ZNF213: variants seen among roughly 807,000 people sequenced by gnomAD.
ZNF213 encodes the protein zinc finger protein 213, also known as putative transcription factor CR53.
In ZNF213, 32 loss-of-function variants were observed where a neutral mutation model predicts 46.0. The ratio of observed to expected loss-of-function variants is 0.70; its 90% CI spans 0.52 to 0.93. The LOEUF is 0.93. Among genes scored for constraint, ZNF213 ranks in the 40% least tolerant of loss-of-function variants. The probability of loss-of-function intolerance (pLI) is 0.00; values close to 1 mark genes in which losing one functional copy is unlikely to be tolerated. For synonymous variants in ZNF213, 297 were observed against 271.0 expected (o/e 1.10, Z -0.94); for missense variants, 639 against 652.8 (o/e 0.98, Z 0.23).
intron 5 of ZNF213, 76 bp downstream of exon 5, chr16:3,139,174 A>T: frequency 6.4e-7 from 1 of 1,569,762 alleles, no homozygotes. Context: ...TTCCCACCCC[A>T]TCCTTAGCTG....
chr16:3,141,683 C>G lies in ZNF213; in HGVS notation c.*336C>G. The G allele has an allele frequency of 3.0e-6, 1 of 331,476 alleles. No homozygotes were observed. The highest frequency in any genetic ancestry group is 5.5e-6 in the Non-Finnish European group (1 of 181,424). 20.5% of individuals were successfully genotyped at this position (331,476 alleles called of 1,614,324 possible). A position where few individuals can be genotyped will look rare whatever the true frequency, so the allele number is the denominator to read the frequency against. On this transcript the variant is annotated 3_prime_UTR_variant, in exon 6 of 6. Coordinates refer to ENST00000396878, the MANE Select transcript of ZNF213 (RefSeq NM_004220.3). The stretch of plus-strand genomic sequence containing the variant: ...TCAGGTCTAGGTCCCTTCCCAGAAG[C>G]CCCCGAGCCTCATTTGACTGTGTGG...
At chr16:3,137,060 C>G in intron 1 of ZNF213, 106 bp from the exon 2 acceptor site, 1 of 558,076 alleles carries the variant, frequency 1.8e-6, no homozygotes, top group Non-Finnish European at 3.1e-6. Context: ...CTAGAAAAGG[C>G]TTCAGGGCCA....
At position 3,137,425 on chromosome 16, in the gene ZNF213, C is replaced by T. The variant is rs201883457; in HGVS notation, c.145C>T (p.Arg49Trp). The T allele has an allele frequency of 2.7e-5, 43 of 1,613,988 alleles. No individual in the cohort carries two copies. Among genetic ancestry groups the T allele is most frequent in the South Asian group, 1.5e-4 (14 of 91,086 alleles). ...RDSEACRQRF[R>W]QFCYGDVHGP... ...TTCCGAAGCCTGCCGCCAGCGCTTC[C>T]GGCAATTCTGCTACGGGGATGTGCA... The change falls in exon 2 of 6, where the codon CGG (arginine) becomes TGG (tryptophan). Residue 49 changes from arginine to tryptophan, a missense_variant. Coordinates refer to ENST00000396878, the MANE Select transcript of ZNF213 (RefSeq NM_004220.3).
rs1264484024 is a variant in ZNF213 at position 3,141,190 on chromosome 16, A to G, written c.1223A>G (p.Lys408Arg). The G allele has an allele frequency of 1.2e-6, 2 of 1,612,470 alleles. No individual in the cohort carries two copies. Among genetic ancestry groups the G allele is most frequent in the East Asian group, 2.2e-5 (1 of 44,890 alleles). ...EKPFGCSDCG[K>R]SFSLRSYLLD... ...CCTTTCGGCTGCAGCGACTGCGGCA[A>G]GAGCTTCTCGCTGCGCTCCTACCTG... Residue 408 changes from lysine (K) to arginine (R), a missense_variant, in exon 6 of 6, where the codon AAG (lysine) becomes AGG (arginine). Coordinates refer to ENST00000396878, the MANE Select transcript of ZNF213 (RefSeq NM_004220.3).
chr16:3,137,443 G>A lies in ZNF213; in HGVS notation c.163G>A (p.Asp55Asn), dbSNP rs775984835. 3 of 1,613,844 alleles carry A rather than the reference G, an allele frequency of 1.9e-6. No individual in the cohort carries two copies. The African/African-American group carries it at 4.0e-5, about 22-fold the overall frequency. ...RQRFRQFCYG[D>N]VHGPHEAFSQ... Reference sequence around the variant, plus strand: ...GCGCTTCCGGCAATTCTGCTACGGGGATGTGCATGGGCCTCATGAGGCCTT... The same window carrying A: ...GCGCTTCCGGCAATTCTGCTACGGGAATGTGCATGGGCCTCATGAGGCCTT... The change falls in exon 2 of 6, where the codon GAT becomes AAT. Residue 55 changes from aspartate (D) to asparagine (N), a missense_variant. Transcript: ENST00000396878.
At chr16:3,138,563 TG>T in intron 3 of ZNF213, 22 bp downstream of exon 3, 3 of 1,613,928 alleles carry the variant, frequency 1.9e-6, no homozygotes, top group Non-Finnish European at 2.5e-6. Flanking sequence ...TCCGTTCTTG[TG>T]GACAGTCGAG....
Position 3,138,607 on chromosome 16 carries a change from G to C in ZNF213, c.523+66G>C, listed in dbSNP as rs193001320. ...GCAGGGACCTAGCTTTGTCACCGGCGTTGCCCTAAGGGTCACAGGCAGGAC... is the reference window on the plus strand; with the variant it reads ...GCAGGGACCTAGCTTTGTCACCGGCCTTGCCCTAAGGGTCACAGGCAGGAC... On this transcript the variant is annotated intron_variant, in intron 3 of 5. Transcript: ENST00000396878. The C allele has an allele frequency of 5.8e-3, 9,406 of 1,612,298 alleles. 37 individuals carry two copies. Among genetic ancestry groups the C allele is most frequent in the Non-Finnish European group, 7.0e-3 (8,293 of 1,179,270 alleles).
rs1957520699 is a variant in ZNF213, at chr16:3,135,169, A to G, written c.-334A>G. The stretch of plus-strand genomic sequence containing the variant: ...TGGCCGCCTGGCTCCAACATCAAGC[A>G]CCGGGCTCCGAGTGGCCGGGATCAG... On this transcript the variant is annotated 5_prime_UTR_variant, in exon 1 of 6. Coordinates refer to ENST00000396878, the MANE Select transcript of ZNF213 (RefSeq NM_004220.3). 1.3e-5 allele frequency: 2 copies of G among 153,120 alleles called. No individual in the cohort carries two copies. Among genetic ancestry groups the G allele is most frequent in the South Asian group, 3.5e-4 (2 of 5,668 alleles). 9.5% of individuals were successfully genotyped at this position (153,120 alleles called of 1,614,324 possible). A position where few individuals can be genotyped will look rare whatever the true frequency, so the allele number is the denominator to read the frequency against.
At chr16:3,139,865 T>C in intron 5 of ZNF213, 1 of 152,118 alleles carries the variant, frequency 6.6e-6, no homozygotes, top group Middle Eastern at 3.4e-3. Context: ...TGCCTCAGCC[T>C]GAGTAGCTGG....
Position 3,138,559 on chromosome 16 carries a change from C to G in ZNF213, c.523+18C>G. On this transcript the variant is annotated intron_variant, in intron 3 of 5. Coordinates refer to ENST00000396878, the MANE Select transcript of ZNF213 (RefSeq NM_004220.3). The stretch of plus-strand genomic sequence containing the variant: ...CCATAGCGGTGAGTAAGCCTCCGTT[C>G]TTGTGGACAGTCGAGTGGCTGGGCA... 6.2e-7 allele frequency: 1 copy of G among 1,613,978 alleles called. No homozygotes were observed. The highest frequency in any genetic ancestry group is 8.5e-7 in the Non-Finnish European group (1 of 1,179,972).
chr16:3,139,384 G>C, intron 5 of ZNF213: 1 of 351,836 alleles, frequency 2.8e-6, no homozygotes, highest in Non-Finnish European at 5.2e-6. Context: ...TTACGCATAA[G>C]GGACCTGAGA....
chr16:3,140,647 G>A, intron 5 of ZNF213, 42 bp from the exon 6 acceptor site: 1 of 1,474,246 alleles, frequency 6.8e-7, no homozygotes, highest in African/African-American at 1.5e-5. Flanking sequence ...TCTGGCCCCA[G>A]AACCGCGTGG....
At chr16:3,137,136 C>G (rs571678370) in intron 1 of ZNF213, 30 bp from the exon 2 acceptor site, 1 of 1,090,394 alleles carries the variant, frequency 9.2e-7, no homozygotes, top group African/African-American at 1.6e-5. Flanking sequence ...ATCCTTCCTC[C>G]TCAGTCCTGC....
Position 3,140,893 on chromosome 16 carries a change from G to C in ZNF213, c.926G>C (p.Arg309Pro). The C allele has an allele frequency of 6.3e-7, 1 of 1,583,736 alleles. No individual in the cohort carries two copies. Among genetic ancestry groups the C allele is most frequent in the African/African-American group, 1.3e-5 (1 of 74,394 alleles). Residue 309 changes from arginine (R) to proline (P), a missense_variant, in exon 6 of 6, where the codon CGG becomes CCG. Transcript: ENST00000396878. ...GRPPTRRRQF[R>P]DLAAEKPHSC... Reference sequence around the variant, plus strand: ...CCACCCACTCGCCGGCGCCAGTTCCGGGACCTGGCAGCCGAGAAGCCGCAC... The same window carrying C: ...CCACCCACTCGCCGGCGCCAGTTCCCGGACCTGGCAGCCGAGAAGCCGCAC...
Position 3,137,426 on chromosome 16 carries a change from G to T in ZNF213, c.146G>T (p.Arg49Leu), listed in dbSNP as rs200158720. The change falls in exon 2 of 6, where the codon CGG becomes CTG. Residue 49 changes from arginine to leucine, a missense_variant. By Grantham distance (102) the Arg-to-Leu change is moderately radical. Coordinates refer to ENST00000396878, the MANE Select transcript of ZNF213 (RefSeq NM_004220.3). The stretch of plus-strand genomic sequence containing the variant: ...TCCGAAGCCTGCCGCCAGCGCTTCC[G>T]GCAATTCTGCTACGGGGATGTGCAT... The part of the protein sequence containing the change: ...RDSEACRQRF[R>L]QFCYGDVHGP... 2 of 1,613,970 alleles carry T rather than the reference G, an allele frequency of 1.2e-6. No individual in the cohort carries two copies. Among genetic ancestry groups the T allele is most frequent in the East Asian group, 2.2e-5 (1 of 44,888 alleles).
intron 2 of ZNF213, chr16:3,138,215 G>A (rs767805787): frequency 3.8e-5 from 40 of 1,040,362 alleles, no homozygotes; most frequent in Admixed American, 3.6e-4. Context: ...TTCTTGCCTC[G>A]TGAATGATCG....
At chr16:3,138,339 G>A (rs545658528) in intron 2 of ZNF213, 79 bp from the exon 3 acceptor site, 12 of 1,587,108 alleles carry the variant, frequency 7.6e-6, no homozygotes, top group South Asian at 2.3e-5. Flanking sequence ...GTCATGTCCT[G>A]TGTCTCCTTC....
intron 2 of ZNF213, 182 bp downstream of exon 2, chr16:3,137,861 A>G: frequency 1.3e-6 from 1 of 741,096 alleles, no homozygotes; most frequent in Non-Finnish European, 2.2e-6. Context: ...TCCAAAGTAA[A>G]TGTGATTTAT....
chr16:3,141,578 C>G lies in ZNF213; in HGVS notation c.*231C>G, dbSNP rs957176852. 5.8e-6 allele frequency: 3 copies of G among 519,626 alleles called. No individual in the cohort carries two copies. In the South Asian group the frequency reaches 9.4e-5, roughly 16 times the overall value. The allele number at this position is 519,626 out of a possible 1,614,324, so 32.2% of individuals were successfully genotyped here. A position where few individuals can be genotyped will look rare whatever the true frequency, so the allele number is the denominator to read the frequency against. On this transcript the variant is annotated 3_prime_UTR_variant, in exon 6 of 6. Coordinates refer to ENST00000396878, the MANE Select transcript of ZNF213 (RefSeq NM_004220.3). ...CCCGATCTTGTCCTCTTTCCCCCTT[C>G]TGCGCCTAGCGTTCCTCTTCCCCTC...
Sources: allele counts gnomAD v4.1 joint callset, GRCh38; gene constraint gnomAD v4.1.1; transcripts MANE v1.5; gene names NCBI Gene and HGNC (gene_info 2026-07-23, HGNC 2026-07-21).